CACNB2: variants seen among roughly 807,000 people sequenced by gnomAD.
CACNB2 encodes voltage-dependent L-type calcium channel subunit beta-2.
A neutral mutation model predicts 73.3 loss-of-function variants in CACNB2; 42 were observed. That is an observed-to-expected ratio of 0.57 (90% confidence interval 0.45 to 0.74). CACNB2 has a LOEUF of 0.74. Among genes scored for constraint, CACNB2 ranks in the 30% least tolerant of loss-of-function variants. The pLI is 0.00. For missense variants in CACNB2, 940 were observed against 853.0 expected (o/e 1.10, Z -1.27); for synonymous variants, 348 against 310.3 (o/e 1.12, Z -1.28).
rs1554824204 is a variant in CACNB2, at chr10:18,464,418, T to TAAAATAAAAAAAAAAAAAAAAAAAAAAAA, written c.334-33933_334-33932insTAAAAAAAAAAAAAAAAAAAAAAAAAAAA. ...CAGAGTGAGACCCTGTCTCAAAAAT[T>TAAAATAAAAAAAAAAAAAAAAAAAAAAAA]AAAAAAAAAAAAAAAAAAAAAAGAA... On this transcript the variant is annotated intron_variant, in intron 3 of 13. Transcript: ENST00000324631. 1.9e-3 allele frequency among the ~76,000 whole-genome samples: 164 copies of TAAAATAAAAAAAAAAAAAAAAAAAAAAAA among 85,250 alleles called. 7 individuals carry two copies. Among genetic ancestry groups the TAAAATAAAAAAAAAAAAAAAAAAAAAAAA allele is most frequent in the Admixed American group, 2.9e-3 (19 of 6,462 alleles). The allele number at this position is 85,250 out of a possible 152,430, so 55.9% of individuals were successfully genotyped here.
chr10:18,417,275 G>C (rs2045032058), intron 3 of CACNB2, among the ~76,000 whole-genome samples: 1 of 145,310 alleles, frequency 6.9e-6, no homozygotes, highest in South Asian at 2.2e-4. Flanking sequence ...TTAAAGTTTA[G>C]TTTATTGTCA....
chr10:18,252,809 A>G (rs2037140667), intron 2 of CACNB2, among the ~76,000 whole-genome samples: 1 of 152,220 alleles, frequency 6.6e-6, no homozygotes, highest in Non-Finnish European at 1.5e-5. Context: ...TAAGGTGGGA[A>G]TGTTTTTGCA....
intron 2 of CACNB2, among the ~76,000 whole-genome samples, chr10:18,310,602 T>A: frequency 3.8e-5 from 1 of 26,106 alleles, no homozygotes; most frequent in East Asian, 2.2e-3. Context: ...CAAAACTCCA[T>A]CTCAAAAAAA....
intron 2 of CACNB2, among the ~76,000 whole-genome samples, chr10:18,250,233 A>C (rs2037034983): frequency 6.6e-6 from 1 of 152,240 alleles, no homozygotes; most frequent in Non-Finnish European, 1.5e-5. Context: ...CTTCTGAGAT[A>C]TAAATCAAGC....
At chr10:18,538,471 TTCTAGTATATTAACTCAAA>T in intron 13 of CACNB2, 106 bp downstream of exon 13, 1 of 927,806 alleles carries the variant, frequency 1.1e-6, no homozygotes, top group Non-Finnish European at 1.7e-6. Context: ...TTGGGGCTTG[TTCTAGTATATTAACTCAAA>T]GCAAGTCCAG....
At chr10:18,516,165 A>T (rs1282037185) in intron 7 of CACNB2, among the ~76,000 whole-genome samples, 1 of 152,126 alleles carries the variant, frequency 6.6e-6, no homozygotes, top group Admixed American at 6.5e-5. Context: ...CAGTGAGCCG[A>T]GACCATGCCA....
intron 3 of CACNB2, among the ~76,000 whole-genome samples, chr10:18,454,318 C>G (rs1564567644): frequency 6.6e-6 from 1 of 152,208 alleles, no homozygotes; most frequent in Non-Finnish European, 1.5e-5. Flanking sequence ...ATTAATGTTT[C>G]ATTTAAAACC....
At chr10:18,332,310 G>A (rs139834405) in intron 2 of CACNB2, among the ~76,000 whole-genome samples, 4 of 152,250 alleles carry the variant, frequency 2.6e-5, no homozygotes, top group Non-Finnish European at 4.4e-5. Flanking sequence ...AAATACTTTG[G>A]AGTTAGCATG....
At chr10:18,473,614 T>G (rs2048298047) in intron 3 of CACNB2, among the ~76,000 whole-genome samples, 1 of 152,194 alleles carries the variant, frequency 6.6e-6, no homozygotes, top group African/African-American at 2.4e-5. Flanking sequence ...CATCAGTCAA[T>G]ACTTTTCTGG....
chr10:18,188,901 T>G (rs2034273389), intron 2 of CACNB2, among the ~76,000 whole-genome samples: 1 of 152,110 alleles, frequency 6.6e-6, no homozygotes, highest in Non-Finnish European at 1.5e-5. Flanking sequence ...GAACTCACAT[T>G]AGTACCAGAA....
rs201654242 is a variant in CACNB2, at chr10:18,347,344, A to AT, written c.214-54551dup. 3.8e-3 allele frequency among the ~76,000 whole-genome samples: 461 copies of AT among 120,732 alleles called. 7 individuals carry two copies. Among genetic ancestry groups the AT allele is most frequent in the South Asian group, 9.6e-3 (33 of 3,426 alleles). The allele number at this position is 120,732 out of a possible 152,430, so 79.2% of individuals were successfully genotyped here. On this transcript the variant is annotated intron_variant, in intron 2 of 13. Coordinates refer to ENST00000324631, the MANE Select transcript of CACNB2 (RefSeq NM_201596.3). ...AGGCGCATGCCGCCATGCCCGTCTA[A>AT]TTTTTTTTTTTTTTTTTTTTTTTTT...
intron 3 of CACNB2, among the ~76,000 whole-genome samples, chr10:18,458,575 T>C (rs1485701888): frequency 1.3e-5 from 2 of 152,120 alleles, no homozygotes; most frequent in Non-Finnish European, 2.9e-5. Context: ...TAACATGGAA[T>C]TAATAAACAA....
intron 2 of CACNB2, among the ~76,000 whole-genome samples, chr10:18,178,657 C>T (rs1356390995): frequency 6.6e-6 from 1 of 152,076 alleles, no homozygotes; most frequent in Admixed American, 6.6e-5. Flanking sequence ...TGGGTAAAAG[C>T]AAACATCTGG....
chr10:18,174,008 G>C (rs2131168709), intron 2 of CACNB2, among the ~76,000 whole-genome samples: 1 of 152,232 alleles, frequency 6.6e-6, no homozygotes, highest in Non-Finnish European at 1.5e-5. Flanking sequence ...AACTTATAGA[G>C]AGTGAAAAAG....
intron 2 of CACNB2, among the ~76,000 whole-genome samples, chr10:18,230,262 G>A (rs1432179593): frequency 6.6e-6 from 1 of 152,162 alleles, no homozygotes; most frequent in Non-Finnish European, 1.5e-5. Context: ...CAAATCAACA[G>A]CATACATTTC....
intron 2 of CACNB2, among the ~76,000 whole-genome samples, chr10:18,251,241 C>T (rs1029929410): frequency 6.6e-6 from 1 of 151,498 alleles, no homozygotes; most frequent in African/African-American, 2.4e-5. Context: ...AGTCTCTCGG[C>T]TCTTTTTTTT....
At chr10:18,191,325 A>G (rs754552716) in intron 2 of CACNB2, among the ~76,000 whole-genome samples, 11 of 152,214 alleles carry the variant, frequency 7.2e-5, no homozygotes, top group African/African-American at 1.2e-4. Context: ...AAGGAACTAG[A>G]ACTTGACACC....
rs375812009 is a variant in CACNB2 at position 18,534,138 on chromosome 10, C to T, written c.1117C>T (p.Leu373Phe). ...TGCAAGAACATTGCAGTTGGTGGTC[C>T]TTGACGCGGATACAATTAATCATCC... ...ELARTLQLVV[L>F]DADTINHPAQ... is the part of the protein sequence containing the mutation. Residue 373 changes from leucine (L) to phenylalanine (F), a missense_variant, in exon 11 of 14, where the codon CTT becomes TTT. Physicochemically the swap from Leu to Phe is conservative, Grantham distance 22 (BLOSUM62 0). Coordinates refer to ENST00000324631, the MANE Select transcript of CACNB2 (RefSeq NM_201596.3). The T allele has an allele frequency of 3.1e-6, 5 of 1,613,882 alleles. No individual in the cohort carries two copies. The African/African-American group carries it at 6.7e-5, about 22-fold the overall frequency.
In CACNB2 at chr10:18,536,204, A is replaced by T. The variant is rs763885191; in HGVS notation, c.1302+8A>T. The T allele has an allele frequency of 2.5e-6, 3 of 1,186,240 alleles. No individual in the cohort carries two copies. Among genetic ancestry groups the T allele is most frequent in the Middle Eastern group, 2.1e-4 (1 of 4,692 alleles). 73.5% of individuals were successfully genotyped at this position (1,186,240 alleles called of 1,614,324 possible). On this transcript the variant is annotated splice_region_variant and intron_variant, in intron 12 of 13. Coordinates refer to ENST00000324631, the MANE Select transcript of CACNB2 (RefSeq NM_201596.3). Reference sequence around the variant, plus strand: ...CTGGCTCAGTGTCCTCCAGTAAGTTATCTCTATATACAGCATAATCCAGTT... The same window carrying T: ...CTGGCTCAGTGTCCTCCAGTAAGTTTTCTCTATATACAGCATAATCCAGTT...
Sources: gnomAD v4.1 joint callset for allele counts (sites outside exome capture counted in the v4.1 genomes callset) on GRCh38, gnomAD v4.1.1 for gene constraint, MANE v1.5 for transcripts, NCBI Gene and HGNC (gene_info 2026-07-23, HGNC 2026-07-21) for gene names.